SDAD1: variants seen among roughly 807,000 people sequenced by gnomAD.
SDAD1 encodes the protein protein SDA1 homolog.
SDAD1 carries 79 observed loss-of-function variants against 100.3 expected under a neutral mutation model. That is an observed-to-expected ratio of 0.79 (90% CI 0.66 to 0.95). SDAD1 has a LOEUF of 0.95. Ranked by LOEUF, SDAD1 falls within the 40% of genes least tolerant of loss-of-function variation. The probability of loss-of-function intolerance (pLI) is 0.00; values close to 1 mark genes in which losing one functional copy is unlikely to be tolerated. For synonymous variants in SDAD1, 267 were observed against 271.4 expected, an observed-to-expected ratio of 0.98 and a Z score of 0.16; for missense variants, 790 against 810.9, an observed-to-expected ratio of 0.97 and a Z score of 0.31.
At position 75,986,933 on chromosome 4, in the gene SDAD1, G is replaced by C. The variant is rs560829136; in HGVS notation, c.90+3819C>G. On this transcript the variant is annotated intron_variant, in intron 1 of 21. Transcript: ENST00000356260. ...CCCTGGAGGCTGAGGCGGGAGGATT[G>C]CTTGAGCCCAGGAGGTTGAGGCTGC... is the stretch of plus-strand genomic sequence containing the variant. Among the ~76,000 whole-genome samples the C allele has an allele frequency of 1.8e-4, 28 of 152,102 alleles. No individual in the cohort carries two copies. The East Asian group carries it at 5.0e-3, about 27-fold the overall frequency.
chr4:75,978,024 G>C (rs925860386), intron 3 of SDAD1, among the ~76,000 whole-genome samples: 5 of 152,258 alleles, frequency 3.3e-5, no homozygotes, highest in Admixed American at 1.3e-4. Flanking sequence ...GATCAACAGT[G>C]ACTGAGGGAG....
At chr4:75,977,021 A>T (rs9992952) in intron 4 of SDAD1, among the ~76,000 whole-genome samples, 1 of 151,968 alleles carries the variant, frequency 6.6e-6, no homozygotes, top group African/African-American at 2.4e-5. Flanking sequence ...AAACTCCTGG[A>T]CTCAAGTGAT....
intron 12 of SDAD1, among the ~76,000 whole-genome samples, chr4:75,966,267 TACACAC>T (rs375225256): frequency 0.078 from 10,887 of 139,142 alleles, 705 homozygotes; most frequent in African/African-American, 0.19. Flanking sequence ...AATGAATGCA[TACACAC>T]ACACACACAC....
At position 75,961,099 on chromosome 4, in the gene SDAD1, T is replaced by C. The variant is rs773005147; in HGVS notation, c.1285A>G (p.Met429Val). 1.2e-6 allele frequency: 2 copies of C among 1,613,928 alleles called. No homozygotes were observed. Among genetic ancestry groups the C allele is most frequent in the Non-Finnish European group, 8.5e-7 (1 of 1,179,796 alleles). The change falls in exon 16 of 22, where the codon ATG becomes GTG. Residue 429 changes from methionine to valine, a missense_variant. By Grantham distance (21) the Met-to-Val change is conservative. Transcript: ENST00000356260. Reference sequence around the variant, plus strand: ...TGAATCAAAGTTCTAGCAGACATCATTACATCTGTAAAATAATACTTTTAA... The same window carrying C: ...TGAATCAAAGTTCTAGCAGACATCACTACATCTGTAAAATAATACTTTTAA... ...QYKTHKDKNVMMSARTLIHLF... is the reference protein window; with the variant it reads ...QYKTHKDKNVVMSARTLIHLF...
chr4:75,963,773 C>T (rs1729384846), intron 14 of SDAD1, among the ~76,000 whole-genome samples: 1 of 152,116 alleles, frequency 6.6e-6, no homozygotes, highest in South Asian at 2.1e-4. Context: ...ACACCAATGC[C>T]ATGCCCTTGG....
chr4:75,985,223 C>T (rs1730821240), intron 1 of SDAD1, among the ~76,000 whole-genome samples: 1 of 152,116 alleles, frequency 6.6e-6, no homozygotes, highest in African/African-American at 2.4e-5. Context: ...CCCTGGCCAT[C>T]CCTCATCCTC....
In SDAD1 at chr4:75,980,454, C is replaced by A. The variant is rs150086423; in HGVS notation, c.294+918G>T. Among the ~76,000 whole-genome samples, 221 of 152,250 alleles carry A rather than the reference C, an allele frequency of 1.5e-3. 3 individuals carry two copies. The East Asian group carries it at 0.031, about 21-fold the overall frequency. ...TTAGTACGTTTTGTGATCATATTTG[C>A]GTACTTATCTGCTGTAAAGAGGTTT... On this transcript the variant is annotated intron_variant, in intron 3 of 21. Transcript: ENST00000356260.
At position 75,968,945 on chromosome 4, in the gene SDAD1, C is replaced by T. The variant is rs556317766; in HGVS notation, c.987+351G>A. On this transcript the variant is annotated intron_variant, in intron 11 of 21. Coordinates refer to ENST00000356260, the MANE Select transcript of SDAD1 (RefSeq NM_018115.4). Reference sequence around the variant, plus strand: ...ACTTGGGAGGCTGAGGCAGGAGACTCACTTGAACCCAGGAGGTGGAGGTTG... The same window carrying T: ...ACTTGGGAGGCTGAGGCAGGAGACTTACTTGAACCCAGGAGGTGGAGGTTG... 2.1e-5 allele frequency among the ~76,000 whole-genome samples: 3 copies of T among 144,812 alleles called. No individual in the cohort carries two copies. In the East Asian group the frequency reaches 6.5e-4, roughly 31 times the overall value.
At chr4:75,961,410 G>T in intron 14 of SDAD1, 102 bp from the exon 15 acceptor site, 1 of 852,432 alleles carries the variant, frequency 1.2e-6, no homozygotes, top group Non-Finnish European at 1.9e-6. Context: ...AGGAAAACAC[G>T]TTGAGTTTTA....
At position 75,957,598 on chromosome 4, in the gene SDAD1, T is replaced by C. The variant is rs757901580; in HGVS notation, c.1689A>G (p.Gln563=). The part of the protein sequence containing the change: ...QEDFQKIRMA[Q]MRKELDAAPG... ...GGGCAGCATCAAGTTCTTTTCTCAT[T>C]TGGGCCATGCGGATTTTCTGGAAGT... Residue 563 remains glutamine, a synonymous_variant, in exon 19 of 22, where the codon CAA becomes CAG. Transcript: ENST00000356260. The C allele has an allele frequency of 3.1e-6, 5 of 1,614,214 alleles. No individual in the cohort carries two copies. The highest frequency in any genetic ancestry group is 4.2e-6 in the Non-Finnish European group (5 of 1,180,042).
intron 21 of SDAD1, 73 bp downstream of exon 21, chr4:75,955,902 G>A: frequency 6.7e-7 from 1 of 1,495,824 alleles, no homozygotes; most frequent in Non-Finnish European, 9.0e-7. Flanking sequence ...GAAGGCGCAA[G>A]TCCGTCTCAA....
intron 3 of SDAD1, among the ~76,000 whole-genome samples, chr4:75,980,223 C>A (rs1348284493): frequency 2.0e-5 from 3 of 152,116 alleles, no homozygotes; most frequent in African/African-American, 7.2e-5. Flanking sequence ...GTCCCATGTA[C>A]CAGCTGAGTA....
Position 75,961,473 on chromosome 4 carries a change from C to T in SDAD1, c.1182-165G>A, listed in dbSNP as rs149147753. On this transcript the variant is annotated intron_variant, in intron 14 of 21. Transcript: ENST00000356260. The stretch of plus-strand genomic sequence containing the variant: ...ATGTTAGAGAATGTCAGGTAGGCAG[C>T]CTTAGAGGGCTTTTATTCCAGTTAC... Among the ~76,000 whole-genome samples the T allele has an allele frequency of 2.0e-5, 3 of 152,188 alleles. No individual in the cohort carries two copies. In the East Asian group the frequency reaches 5.8e-4, roughly 29 times the overall value.
rs202244350 is a variant in SDAD1 at position 75,975,944 on chromosome 4, T to C, written c.457A>G (p.Lys153Glu). The C allele has an allele frequency of 2.1e-5, 33 of 1,606,430 alleles. No homozygotes were observed. The highest frequency in any genetic ancestry group is 2.4e-5 in the Non-Finnish European group (28 of 1,173,184). Reference protein sequence around the residue: ...TDIKNINAKHKNNKVNVVLQN... With the variant: ...TDIKNINAKHENNKVNVVLQN... ...CTTACTACATTCACTTTATTGTTCT[T>C]GTGTTTTGCATTTATATTCTTGATA... The change falls in exon 5 of 22, where the codon AAG becomes GAG. Residue 153 changes from lysine (K) to glutamate (E), a missense_variant. By Grantham distance (56) the Lys-to-Glu change is moderately conservative (BLOSUM62 1). Transcript: ENST00000356260.
chr4:75,960,888 G>A, intron 16 of SDAD1, 140 bp downstream of exon 16: 5 of 719,650 alleles, frequency 6.9e-6, no homozygotes, highest in Non-Finnish European at 1.2e-5. Flanking sequence ...TTGATTCCAA[G>A]CTTAAAGAAT....
chr4:75,953,012 C>G (rs180794093), intron 21 of SDAD1, among the ~76,000 whole-genome samples: 6 of 151,830 alleles, frequency 4.0e-5, no homozygotes, highest in African/African-American at 7.3e-5. Context: ...AAGGGGAGAA[C>G]AGAGAAAATC....
intron 11 of SDAD1, among the ~76,000 whole-genome samples, chr4:75,968,756 G>A (rs1306057784): frequency 6.6e-6 from 1 of 152,160 alleles, no homozygotes; most frequent in Non-Finnish European, 1.5e-5. Flanking sequence ...AACAGGCCAG[G>A]TGCGGTGGCT....
chr4:75,950,509 T>C lies in SDAD1; in HGVS notation c.*241A>G, dbSNP rs990696817. The C allele has an allele frequency of 9.0e-6, 4 of 444,294 alleles. No homozygotes were observed. The highest frequency in any genetic ancestry group is 5.8e-5 in the African/African-American group (3 of 51,642). 27.5% of individuals were successfully genotyped at this position (444,294 alleles called of 1,614,324 possible). Reference sequence around the variant, plus strand: ...TGACAATGAATAGGCACTCAATACATACTTTTTTTTGCATGAATGATAAAT... The same window carrying C: ...TGACAATGAATAGGCACTCAATACACACTTTTTTTTGCATGAATGATAAAT... On this transcript the variant is annotated 3_prime_UTR_variant, in exon 22 of 22. Coordinates refer to ENST00000356260, the MANE Select transcript of SDAD1 (RefSeq NM_018115.4).
chr4:75,978,982 G>GAAAAAAAA (rs538009004), intron 3 of SDAD1, among the ~76,000 whole-genome samples: 721 of 38,028 alleles, frequency 0.019, 116 homozygotes, highest in East Asian at 0.068. Context: ...CCCTGTCTCA[G>GAAAAAAAA]AAAAAAAAAA....
Sources: allele counts gnomAD v4.1 joint callset (sites outside exome capture counted in the v4.1 genomes callset), GRCh38; gene constraint gnomAD v4.1.1; transcripts MANE v1.5; gene names NCBI Gene and HGNC (gene_info 2026-07-23, HGNC 2026-07-21).